The following GSKIP variants were observed in gnomAD, a reference collection of about 807,000 sequenced individuals.
GSKIP encodes the protein GSK3B-interacting protein.
Under a neutral mutation model 11.9 loss-of-function variants are expected in GSKIP, and 5 were observed. That is an observed-to-expected ratio of 0.42 (90% CI 0.22 to 0.89). The LOEUF is 0.89. GSKIP is among the 40% of genes least tolerant of loss of function. The pLI, the probability that GSKIP is intolerant of heterozygous loss-of-function variation, is 0.29. For missense variants in GSKIP, 150 were observed against 166.6 expected (o/e 0.90, Z 0.55); for synonymous variants, 70 against 62.9 (o/e 1.11, Z -0.54).
intron 1 of GSKIP, among the ~76,000 whole-genome samples, chr14:96,370,622 C>G (rs1490323660): frequency 6.6e-6 from 1 of 152,062 alleles, no homozygotes; most frequent in African/African-American, 2.4e-5. Flanking sequence ...TGAAAAGAGC[C>G]TGGATCTCCT....
intron 1 of GSKIP, among the ~76,000 whole-genome samples, chr14:96,371,823 G>A (rs1001065761): frequency 1.1e-4 from 16 of 152,128 alleles, no homozygotes; most frequent in Admixed American, 9.2e-4. Flanking sequence ...ACTTAGAGAA[G>A]GCCTAACTCA....
rs1889296046 is a variant in GSKIP at position 96,379,724 on chromosome 14, T to A, written c.-66T>A. ...TTATCACAACTGTTTGGTGACCTACTTCACTGACCTGTGAGGATTCCTTCC... is the reference window on the plus strand; with the variant it reads ...TTATCACAACTGTTTGGTGACCTACATCACTGACCTGTGAGGATTCCTTCC... On this transcript the variant is annotated 5_prime_UTR_variant, in exon 2 of 4. Coordinates refer to ENST00000555181, the MANE Select transcript of GSKIP (RefSeq NM_016472.5). 2.0e-5 allele frequency: 3 copies of A among 152,196 alleles called. No individual in the cohort carries two copies. The highest frequency in any genetic ancestry group is 7.2e-5 in the African/African-American group (3 of 41,448). 9.4% of individuals were successfully genotyped at this position (152,196 alleles called of 1,614,324 possible). A position where few individuals can be genotyped will look rare whatever the true frequency, so the allele number is the denominator to read the frequency against.
At chr14:96,364,547 A>G (rs548765648) in intron 1 of GSKIP, 1 of 152,282 alleles carries the variant, frequency 6.6e-6, no homozygotes, top group Non-Finnish European at 1.5e-5. Context: ...AGCCCAAAAT[A>G]TTGGTAGATG....
At chr14:96,373,581 A>G (rs758348851) in intron 1 of GSKIP, among the ~76,000 whole-genome samples, 1 of 151,966 alleles carries the variant, frequency 6.6e-6, no homozygotes, top group Non-Finnish European at 1.5e-5. Context: ...GTGTTTAATA[A>G]TCATTTCTGT....
At chr14:96,366,079 G>A (rs1212287723) in intron 1 of GSKIP, among the ~76,000 whole-genome samples, 1 of 151,918 alleles carries the variant, frequency 6.6e-6, no homozygotes, top group Non-Finnish European at 1.5e-5. Context: ...AGAAGCAGTT[G>A]GATTCTGGAT....
Position 96,371,901 on chromosome 14 carries a change from G to A in GSKIP, c.-102-7787G>A, listed in dbSNP as rs541713275. Among the ~76,000 whole-genome samples the A allele has an allele frequency of 3.9e-5, 6 of 152,226 alleles. No individual in the cohort carries two copies. In the South Asian group the frequency reaches 1.2e-3, roughly 32 times the overall value. The stretch of plus-strand genomic sequence containing the variant: ...TTAACTTTATACTGCCAGACACGGT[G>A]CCTGAAATTTTCATCTTGTTGAATT... On this transcript the variant is annotated intron_variant, in intron 1 of 3. Transcript: ENST00000555181.
intron 1 of GSKIP, among the ~76,000 whole-genome samples, chr14:96,375,606 G>A (rs1031552981): frequency 2.6e-5 from 4 of 151,914 alleles, no homozygotes; most frequent in Admixed American, 6.6e-5. Context: ...GCTAATTTTT[G>A]TATTTATAGT....
chr14:96,383,572 G>A (rs1266304474), intron 3 of GSKIP, among the ~76,000 whole-genome samples: 2 of 152,168 alleles, frequency 1.3e-5, no homozygotes, highest in African/African-American at 4.8e-5. Flanking sequence ...ATAAGGTGGT[G>A]AGCAAGGCCT....
At chr14:96,380,291 A>G (rs1191104716) in intron 2 of GSKIP, 2 of 152,246 alleles carry the variant, frequency 1.3e-5, no homozygotes, top group Non-Finnish European at 2.9e-5. Context: ...TACATTTGCT[A>G]TGTAAGTTTT....
chr14:96,374,943 ATC>A (rs1449534468), intron 1 of GSKIP, among the ~76,000 whole-genome samples: 3 of 151,720 alleles, frequency 2.0e-5, no homozygotes, highest in Non-Finnish European at 4.4e-5. Context: ...GACTTATCTA[ATC>A]TCTCTGAAAA....
chr14:96,364,698 C>T (rs1888818736), intron 1 of GSKIP: 1 of 152,198 alleles, frequency 6.6e-6, no homozygotes. Flanking sequence ...GATTCCCTTG[C>T]TCTTCATTCA....
At chr14:96,384,405 A>C (rs998341481) in intron 3 of GSKIP, among the ~76,000 whole-genome samples, 1 of 152,118 alleles carries the variant, frequency 6.6e-6, no homozygotes, top group Non-Finnish European at 1.5e-5. Flanking sequence ...AAAAAAAAAA[A>C]AACTCAGCTT....
At chr14:96,379,859 C>T (rs572717341) in intron 2 of GSKIP, 71 bp downstream of exon 2, 2 of 152,264 alleles carry the variant, frequency 1.3e-5, no homozygotes, top group East Asian at 3.9e-4. Context: ...CTCATATAAA[C>T]ATCTTTTTAT....
chr14:96,385,525 G>C lies in GSKIP; in HGVS notation c.261G>C (p.Val87=). 1 of 1,607,088 alleles carries C rather than the reference G, an allele frequency of 6.2e-7. No individual in the cohort carries two copies. The highest frequency in any genetic ancestry group is 8.5e-7 in the Non-Finnish European group (1 of 1,177,264). The change falls in exon 4 of 4, where the codon GTG becomes GTC. Residue 87 remains valine, a splice_region_variant and synonymous_variant. Coordinates refer to ENST00000555181, the MANE Select transcript of GSKIP (RefSeq NM_016472.5). ...TCACTGTTGCATTTCTCTTGTAGGT[G>C]GTAGGCTATGCTTTTGACCAGGTAG... ...CLELTEAGLK[V]VGYAFDQVDD...
At position 96,385,902 on chromosome 14, in the gene GSKIP, T is replaced by TA. The variant is rs1260408435; in HGVS notation, c.*220dup. 1.3e-5 allele frequency: 6 copies of TA among 470,266 alleles called. No individual in the cohort carries two copies. Among genetic ancestry groups the TA allele is most frequent in the Non-Finnish European group, 2.3e-5 (6 of 261,858 alleles). 29.1% of individuals were successfully genotyped at this position (470,266 alleles called of 1,614,324 possible). ...GAGGCCGTTGCTATGATACCATCATTAAGACATTCACATGTCTTCATATAA... is the reference window on the plus strand; with the variant it reads ...GAGGCCGTTGCTATGATACCATCATTAAAGACATTCACATGTCTTCATATAA... On this transcript the variant is annotated 3_prime_UTR_variant, in exon 4 of 4. Transcript: ENST00000555181.
intron 3 of GSKIP, 64 bp downstream of exon 3, chr14:96,382,569 G>C: frequency 8.1e-7 from 1 of 1,237,438 alleles, no homozygotes; most frequent in Middle Eastern, 2.0e-4. Flanking sequence ...TCAAAAAGAG[G>C]GGTAGTGGGG....
intron 1 of GSKIP, among the ~76,000 whole-genome samples, chr14:96,378,228 C>T (rs57574321): frequency 0.33 from 49,516 of 151,924 alleles, 8,748 homozygotes; most frequent in African/African-American, 0.46. Flanking sequence ...ATGGCACCCA[C>T]CTGCAGTCCC....
chr14:96,374,787 G>T (rs1334139004), intron 1 of GSKIP, among the ~76,000 whole-genome samples: 4 of 151,512 alleles, frequency 2.6e-5, no homozygotes, highest in African/African-American at 7.3e-5. Context: ...AAGTTGAAAG[G>T]ATTCATCAAC....
At chr14:96,367,544 G>A (rs993163816) in intron 1 of GSKIP, among the ~76,000 whole-genome samples, 2 of 152,050 alleles carry the variant, frequency 1.3e-5, no homozygotes, top group Non-Finnish European at 2.9e-5. Context: ...ATCTTTCTGG[G>A]GCTGTTCTTT....
Sources: gnomAD v4.1 joint callset for allele counts (sites outside exome capture counted in the v4.1 genomes callset) on GRCh38, gnomAD v4.1.1 for gene constraint, MANE v1.5 for transcripts, NCBI Gene and HGNC (gene_info 2026-07-23, HGNC 2026-07-21) for gene names.